The following XKR4 variants were observed in gnomAD, a reference collection of about 807,000 sequenced individuals.
XKR4 encodes XK related 4, also known as XK-related protein 4.
XKR4 carries 12 observed loss-of-function variants against 53.9 expected under a neutral mutation model. The observed-to-expected ratio is 0.22, with a 90% CI of 0.14 to 0.36. The LOEUF is 0.36. Ranked by LOEUF, XKR4 falls within the 10% of genes least tolerant of loss-of-function variation. XKR4 has a pLI of 1.00. For missense variants in XKR4, 799 were observed against 859.5 expected (o/e 0.93, Z 0.88); for synonymous variants, 354 against 362.4 (o/e 0.98, Z 0.26).
At chr8:55,152,483 T>A (rs916608594) in intron 1 of XKR4, among the ~76,000 whole-genome samples, 2 of 141,696 alleles carry the variant, frequency 1.4e-5, no homozygotes, top group African/African-American at 5.5e-5. Context: ...GTTATGAAAA[T>A]TTTTTTGTCT....
At chr8:55,420,179 G>A (rs1804903876) in intron 2 of XKR4, among the ~76,000 whole-genome samples, 1 of 152,146 alleles carries the variant, frequency 6.6e-6, no homozygotes, top group Non-Finnish European at 1.5e-5. Context: ...AAAGAACAAT[G>A]AGCTGAGTCA....
intron 2 of XKR4, among the ~76,000 whole-genome samples, chr8:55,464,870 T>G (rs563668143): frequency 6.6e-6 from 1 of 152,186 alleles, no homozygotes; most frequent in East Asian, 1.9e-4. Context: ...AAATCATGAG[T>G]GAACTCCCAT....
At chr8:55,395,137 G>A (rs138078295) in intron 2 of XKR4, among the ~76,000 whole-genome samples, 1 of 152,206 alleles carries the variant, frequency 6.6e-6, no homozygotes, top group African/African-American at 2.4e-5. Flanking sequence ...CCTCAGGGAG[G>A]TAGCGAATCA....
rs2129400466 is a variant in XKR4, at chr8:55,474,743, G to A, written c.1007-48538G>A. On this transcript the variant is annotated intron_variant, in intron 2 of 2. Transcript: ENST00000327381. Reference sequence around the variant, plus strand: ...GATGCTAATGAGGCTCTGCCAAAATGGTCCTTTCCCTCACACAGAGTGCTG... The same window carrying A: ...GATGCTAATGAGGCTCTGCCAAAATAGTCCTTTCCCTCACACAGAGTGCTG... 3.3e-5 allele frequency among the ~76,000 whole-genome samples: 5 copies of A among 152,188 alleles called. 1 individual carries two copies. In the South Asian group the frequency reaches 1.0e-3, roughly 32 times the overall value.
intron 1 of XKR4, among the ~76,000 whole-genome samples, chr8:55,264,685 G>A (rs1818573988): frequency 6.6e-6 from 1 of 152,170 alleles, no homozygotes; most frequent in African/African-American, 2.4e-5. Context: ...TGTCCTTAAG[G>A]CAGAAACCCT....
At chr8:55,365,171 G>C (rs1454949836) in intron 2 of XKR4, among the ~76,000 whole-genome samples, 1 of 152,170 alleles carries the variant, frequency 6.6e-6, no homozygotes, top group Non-Finnish European at 1.5e-5. Flanking sequence ...GGCTGCCCTG[G>C]GATGTGGAGC....
At position 55,509,559 on chromosome 8, in the gene XKR4, C is replaced by T. The variant is rs142585817; in HGVS notation, c.1007-13722C>T. 2.2e-3 allele frequency among the ~76,000 whole-genome samples: 337 copies of T among 152,246 alleles called. 1 individual carries two copies. Among genetic ancestry groups the T allele is most frequent in the African/African-American group, 7.8e-3 (322 of 41,548 alleles). The stretch of plus-strand genomic sequence containing the variant: ...GTCTGCTAAAAGGTGACTCCTGTTC[C>T]TAGGAGTGTGTATGGGGAAGAATCT... On this transcript the variant is annotated intron_variant, in intron 2 of 2. Coordinates refer to ENST00000327381, the MANE Select transcript of XKR4 (RefSeq NM_052898.2).
intron 1 of XKR4, among the ~76,000 whole-genome samples, chr8:55,261,278 G>A (rs1373894475): frequency 2.0e-5 from 3 of 152,102 alleles, no homozygotes; most frequent in African/African-American, 4.8e-5. Flanking sequence ...AAAGAAATGG[G>A]TCAGACAAGA....
intron 1 of XKR4, among the ~76,000 whole-genome samples, chr8:55,336,312 T>C (rs1042645222): frequency 5.3e-5 from 8 of 152,124 alleles, no homozygotes; most frequent in African/African-American, 9.7e-5. Flanking sequence ...CGTCACCATG[T>C]AAGAAGTGCC....
intron 1 of XKR4, among the ~76,000 whole-genome samples, chr8:55,313,221 C>A (rs939402916): frequency 6.6e-6 from 1 of 152,090 alleles, no homozygotes; most frequent in Non-Finnish European, 1.5e-5. Flanking sequence ...ACATTGTGTT[C>A]TTTTTACAAC....
rs149954779 is a variant in XKR4, at chr8:55,283,781, T to C, written c.807-73897T>C. Among the ~76,000 whole-genome samples, 638 of 152,334 alleles carry C rather than the reference T, an allele frequency of 4.2e-3. 4 individuals are homozygous for C. The highest frequency in any genetic ancestry group is 0.014 in the African/African-American group (574 of 41,568). Reference sequence around the variant, plus strand: ...AAAACTGTAGTTTCATCAGATGCTCTCCTGGAAGCCTGTGAATAACTCACA... The same window carrying C: ...AAAACTGTAGTTTCATCAGATGCTCCCCTGGAAGCCTGTGAATAACTCACA... On this transcript the variant is annotated intron_variant, in intron 1 of 2. Coordinates refer to ENST00000327381, the MANE Select transcript of XKR4 (RefSeq NM_052898.2).
At chr8:55,238,947 C>T (rs2129367966) in intron 1 of XKR4, among the ~76,000 whole-genome samples, 1 of 152,280 alleles carries the variant, frequency 6.6e-6, no homozygotes, top group East Asian at 1.9e-4. Flanking sequence ...ATCTATCTGA[C>T]TTTAAAACCT....
chr8:55,364,631 TGG>T (rs1554520387), intron 2 of XKR4, among the ~76,000 whole-genome samples: 186 of 151,746 alleles, frequency 1.2e-3, no homozygotes, highest in African/African-American at 4.4e-3. Flanking sequence ...TTTGTTTTGT[TGG>T]GGTTTTTTTT....
At chr8:55,489,992 A>G (rs1040986367) in intron 2 of XKR4, among the ~76,000 whole-genome samples, 2 of 152,184 alleles carry the variant, frequency 1.3e-5, no homozygotes, top group South Asian at 2.1e-4. Context: ...ATGGTACATT[A>G]TAATTGTTTT....
Position 55,525,659 on chromosome 8 carries a change from C to A in XKR4, c.*1432C>A, listed in dbSNP as rs1329554152. ...GGTGCTTTTCGTTGCATTAAAAGTG[C>A]CGGTCAAACTTTGATAGTATTTTTT... is the stretch of plus-strand genomic sequence containing the variant. On this transcript the variant is annotated 3_prime_UTR_variant, in exon 3 of 3. Coordinates refer to ENST00000327381, the MANE Select transcript of XKR4 (RefSeq NM_052898.2). 6.6e-6 allele frequency: 1 copy of A among 152,456 alleles called. No individual in the cohort carries two copies. Among genetic ancestry groups the A allele is most frequent in the Non-Finnish European group, 1.5e-5 (1 of 68,018 alleles). 9.4% of individuals were successfully genotyped at this position (152,456 alleles called of 1,614,324 possible).
intron 1 of XKR4, among the ~76,000 whole-genome samples, chr8:55,160,001 A>T (rs1244179504): frequency 6.6e-6 from 1 of 152,204 alleles, no homozygotes; most frequent in East Asian, 1.9e-4. Flanking sequence ...GATCTGAGCA[A>T]AGAAAAGAAT....
At chr8:55,229,393 C>T (rs1374133350) in intron 1 of XKR4, among the ~76,000 whole-genome samples, 1 of 152,206 alleles carries the variant, frequency 6.6e-6, no homozygotes, top group African/African-American at 2.4e-5. Context: ...CGCTCCCTTC[C>T]CGGAAACCTG....
intron 1 of XKR4, among the ~76,000 whole-genome samples, chr8:55,247,383 TTA>T (rs1818299033): frequency 6.6e-6 from 1 of 152,222 alleles, no homozygotes; most frequent in African/African-American, 2.4e-5. Context: ...TTAATAGACT[TTA>T]TATGACATTG....
chr8:55,180,741 CA>C (rs1214500705), intron 1 of XKR4, among the ~76,000 whole-genome samples: 1 of 152,142 alleles, frequency 6.6e-6, no homozygotes, highest in Admixed American at 6.5e-5. Flanking sequence ...CCATGTTAGC[CA>C]GGCTGGCCTT....
Sources: gnomAD v4.1 joint callset for allele counts (sites outside exome capture counted in the v4.1 genomes callset) on GRCh38, gnomAD v4.1.1 for gene constraint, MANE v1.5 for transcripts, NCBI Gene and HGNC (gene_info 2026-07-23, HGNC 2026-07-21) for gene names.